TAFA1: variants seen among roughly 807,000 people sequenced by gnomAD.
The protein encoded by TAFA1 is TAFA chemokine like family member 1.
A neutral mutation model predicts 18.5 loss-of-function variants in TAFA1; 4 were observed. The observed-to-expected ratio is 0.22, with a 90% CI of 0.11 to 0.49. The LOEUF is 0.49. Among genes scored for constraint, TAFA1 ranks in the 20% least tolerant of loss-of-function variants. The pLI, the probability that TAFA1 is intolerant of heterozygous loss-of-function variation, is 0.98. For missense variants in TAFA1, 147 were observed against 169.0 expected (o/e 0.87, Z 0.72); for synonymous variants, 56 against 55.2 (o/e 1.01, Z -0.06).
intron 2 of TAFA1, among the ~76,000 whole-genome samples, chr3:68,292,434 A>AC (rs1205004698): frequency 6.6e-6 from 1 of 151,492 alleles, no homozygotes; most frequent in Non-Finnish European, 1.5e-5. Flanking sequence ...CAAAAAAAAA[A>AC]ACCCAAAACA....
intron 2 of TAFA1, among the ~76,000 whole-genome samples, chr3:68,142,527 C>T (rs1484962952): frequency 6.6e-6 from 1 of 152,182 alleles, no homozygotes; most frequent in Non-Finnish European, 1.5e-5. Context: ...GGGTGGGAAG[C>T]CTTTCTCCAG....
chr3:68,111,646 A>G (rs2065263030), intron 2 of TAFA1, among the ~76,000 whole-genome samples: 1 of 152,142 alleles, frequency 6.6e-6, no homozygotes, highest in Non-Finnish European at 1.5e-5. Context: ...AAAAACACTA[A>G]TCAGCATTAG....
intron 3 of TAFA1, among the ~76,000 whole-genome samples, chr3:68,438,314 ATCAC>A (rs772919243): frequency 2.6e-5 from 4 of 152,132 alleles, no homozygotes; most frequent in Admixed American, 2.6e-4. Context: ...CCAGGATTGT[ATCAC>A]TGCACTCCAG....
chr3:68,142,211 G>C lies in TAFA1; in HGVS notation c.118+135467G>C, dbSNP rs1007254352. Among the ~76,000 whole-genome samples, 8 of 152,302 alleles carry C rather than the reference G, an allele frequency of 5.3e-5. No individual in the cohort carries two copies. In the South Asian group the frequency reaches 1.2e-3, roughly 24 times the overall value. On this transcript the variant is annotated intron_variant, in intron 2 of 4. Transcript: ENST00000478136. ...AAAAATTGCTTTGTTTCTCATTCAA[G>C]CTTCTCTAAATATCCAAAGGAAAAT... is the stretch of plus-strand genomic sequence containing the variant.
At chr3:68,227,072 A>G (rs1483359402) in intron 2 of TAFA1, among the ~76,000 whole-genome samples, 1 of 152,196 alleles carries the variant, frequency 6.6e-6, no homozygotes, top group Non-Finnish European at 1.5e-5. Flanking sequence ...AAATGAAACA[A>G]TGAGCTGCTG....
At chr3:68,484,388 C>T (rs927158107) in intron 3 of TAFA1, among the ~76,000 whole-genome samples, 3 of 152,016 alleles carry the variant, frequency 2.0e-5, no homozygotes, top group Non-Finnish European at 4.4e-5. Context: ...TTGGCTATTG[C>T]AGCGGTCTAG....
Position 68,252,034 on chromosome 3 carries a change from T to C in TAFA1, c.119-165246T>C, listed in dbSNP as rs149182095. 8.0e-4 allele frequency among the ~76,000 whole-genome samples: 122 copies of C among 152,314 alleles called. 1 individual carries two copies. The highest frequency in any genetic ancestry group is 3.4e-3 in the Middle Eastern group (1 of 294). On this transcript the variant is annotated intron_variant, in intron 2 of 4. Coordinates refer to ENST00000478136, the MANE Select transcript of TAFA1 (RefSeq NM_213609.4). Reference sequence around the variant, plus strand: ...CTCAGTCACTCAACAGATAATTCCATGTATATGTGCTCTGTCATTGCCTTT... The same window carrying C: ...CTCAGTCACTCAACAGATAATTCCACGTATATGTGCTCTGTCATTGCCTTT...
intron 2 of TAFA1, among the ~76,000 whole-genome samples, chr3:68,173,428 T>C (rs2066083777): frequency 6.6e-6 from 1 of 152,306 alleles, no homozygotes; most frequent in East Asian, 1.9e-4. Flanking sequence ...ATTTGCAAAG[T>C]GGCTCTTGAA....
rs1427817296 is a variant in TAFA1 at position 68,544,648 on chromosome 3, G to A, written c.*145G>A. 5.1e-6 allele frequency: 4 copies of A among 784,762 alleles called. No homozygotes were observed. The highest frequency in any genetic ancestry group is 8.3e-6 in the Non-Finnish European group (4 of 479,170). The allele number at this position is 784,762 out of a possible 1,614,324, so 48.6% of individuals were successfully genotyped here. A position where few individuals can be genotyped will look rare whatever the true frequency, so the allele number is the denominator to read the frequency against. ...CAGATAATCACAGTGCGTTTACTGT[G>A]TGTAACGAAATATCCTACAGTGAGA... On this transcript the variant is annotated 3_prime_UTR_variant, in exon 5 of 5. Coordinates refer to ENST00000478136, the MANE Select transcript of TAFA1 (RefSeq NM_213609.4).
chr3:68,393,293 A>G (rs1428701836), intron 2 of TAFA1, among the ~76,000 whole-genome samples: 1 of 152,118 alleles, frequency 6.6e-6, no homozygotes, highest in African/African-American at 2.4e-5. Context: ...ACACCCTCCC[A>G]AGACTAAATC....
intron 2 of TAFA1, among the ~76,000 whole-genome samples, chr3:68,013,532 A>C (rs1019929386): frequency 5.9e-5 from 9 of 152,142 alleles, no homozygotes. Flanking sequence ...AGACTATAGG[A>C]GTTGTCTTGA....
chr3:68,042,518 A>C (rs927629816), intron 2 of TAFA1, among the ~76,000 whole-genome samples: 1 of 152,090 alleles, frequency 6.6e-6, no homozygotes, highest in African/African-American at 2.4e-5. Context: ...GTGTGGTGGC[A>C]CATGCCTGTA....
chr3:68,229,130 GA>G (rs2107111399), intron 2 of TAFA1, among the ~76,000 whole-genome samples: 1 of 152,234 alleles, frequency 6.6e-6, no homozygotes, highest in Admixed American at 6.5e-5. Flanking sequence ...TGTGATTTTT[GA>G]ACCAGATAGG....
At chr3:68,319,896 ATTAG>A in intron 2 of TAFA1, among the ~76,000 whole-genome samples, 1 of 152,312 alleles carries the variant, frequency 6.6e-6, no homozygotes, top group Non-Finnish European at 1.5e-5. Context: ...CATAGAAATA[ATTAG>A]TTATTTTCAT....
At chr3:68,475,576 T>G (rs2072077280) in intron 3 of TAFA1, among the ~76,000 whole-genome samples, 1 of 152,218 alleles carries the variant, frequency 6.6e-6, no homozygotes, top group South Asian at 2.1e-4. Context: ...ACATTTGGGT[T>G]GGTTCCAAGT....
At chr3:68,286,721 C>G (rs1045505258) in intron 2 of TAFA1, among the ~76,000 whole-genome samples, 3 of 151,836 alleles carry the variant, frequency 2.0e-5, no homozygotes, top group African/African-American at 7.3e-5. Flanking sequence ...CGAGGCTGTC[C>G]CAGAGGAATA....
At chr3:68,263,081 G>T (rs1441464676) in intron 2 of TAFA1, among the ~76,000 whole-genome samples, 1 of 152,086 alleles carries the variant, frequency 6.6e-6, no homozygotes, top group Non-Finnish European at 1.5e-5. Context: ...TACTCATGGG[G>T]TTGGAAGTTT....
At chr3:68,306,148 G>T (rs748983178) in intron 2 of TAFA1, among the ~76,000 whole-genome samples, 1 of 152,314 alleles carries the variant, frequency 6.6e-6, no homozygotes, top group Non-Finnish European at 1.5e-5. Flanking sequence ...CCAAAAGGAA[G>T]ATCAGGTGTT....
intron 2 of TAFA1, among the ~76,000 whole-genome samples, chr3:68,041,688 C>G (rs1176649155): frequency 1.3e-5 from 2 of 152,190 alleles, no homozygotes; most frequent in Non-Finnish European, 2.9e-5. Flanking sequence ...AGCTTTCGGT[C>G]TAGAATGGGC....
Sources: gnomAD v4.1 joint callset for allele counts (sites outside exome capture counted in the v4.1 genomes callset) on GRCh38, gnomAD v4.1.1 for gene constraint, MANE v1.5 for transcripts, NCBI Gene and HGNC (gene_info 2026-07-23, HGNC 2026-07-21) for gene names.